The following RGCC variants were observed in gnomAD, a reference collection of about 807,000 sequenced individuals.
RGCC encodes regulator of cell cycle RGCC.
RGCC carries 15 observed loss-of-function variants against 15.4 expected under a neutral mutation model. That is an observed-to-expected ratio of 0.97 (90% confidence interval 0.65 to 1.50). The LOEUF (loss-of-function observed/expected upper bound fraction) is 1.50, where lower values mean the gene tolerates loss of function less well. Ranked by LOEUF, RGCC falls within the 40% of genes most tolerant of loss-of-function variation. RGCC has a pLI of 0.00. For missense variants in RGCC, 176 were observed against 189.7 expected, an observed-to-expected ratio of 0.93 and a Z score of 0.42; for synonymous variants, 81 against 78.0, an observed-to-expected ratio of 1.04 and a Z score of -0.20.
At chr13:41,469,729 C>T (rs1421031357) in intron 4 of RGCC, among the ~76,000 whole-genome samples, 1 of 152,170 alleles carries the variant, frequency 6.6e-6, no homozygotes, top group Non-Finnish European at 1.5e-5. Flanking sequence ...TTGCAAGCCT[C>T]TTATTTGGGA....
Position 41,458,409 on chromosome 13 carries a change from G to T in RGCC, c.174G>T (p.Glu58Asp). 6.2e-7 allele frequency: 1 copy of T among 1,601,098 alleles called. No homozygotes were observed. Among genetic ancestry groups the T allele is most frequent in the East Asian group, 2.2e-5 (1 of 44,682 alleles). Reference sequence around the variant, plus strand: ...ACTTCCACTACGAGGAGCACCTGGAGCGCATGAAGCGGCGCAGCAGCGCCA... The same window carrying T: ...ACTTCCACTACGAGGAGCACCTGGATCGCATGAAGCGGCGCAGCAGCGCCA... ...ERHFHYEEHLERMKRRSSASV... is the reference protein window; with the variant it reads ...ERHFHYEEHLDRMKRRSSASV... The change falls in exon 2 of 5, where the codon GAG (glutamate) becomes GAT (aspartate). Residue 58 changes from glutamate (E) to aspartate (D), a missense_variant. Coordinates refer to ENST00000379359, the MANE Select transcript of RGCC (RefSeq NM_014059.3). This position sits in a 1 kb window ranked among gnomAD's most constrained non-coding sequence, Gnocchi z 4.4.
At chr13:41,459,238 A>G (rs530548946) in intron 2 of RGCC, among the ~76,000 whole-genome samples, 11 of 152,320 alleles carry the variant, frequency 7.2e-5, no homozygotes, top group African/African-American at 2.6e-4. Flanking sequence ...GGAGGATTAC[A>G]GGTACCTCAA....
At position 41,470,582 on chromosome 13, in the gene RGCC, A is replaced by G. The variant is rs2043871119; in HGVS notation, c.*97A>G. The G allele has an allele frequency of 4.1e-6, 5 of 1,230,970 alleles. No homozygotes were observed. In the Admixed American group the frequency reaches 6.7e-5, roughly 17 times the overall value. 76.3% of individuals were successfully genotyped at this position (1,230,970 alleles called of 1,614,324 possible). On this transcript the variant is annotated 3_prime_UTR_variant, in exon 5 of 5. Coordinates refer to ENST00000379359, the MANE Select transcript of RGCC (RefSeq NM_014059.3). The stretch of plus-strand genomic sequence containing the variant: ...CTACTAGAATCTGCTGCCAGAGGGG[A>G]CAAAGACGTGCACTCAACCTTCTAC...
rs1181918799 is a variant in RGCC at position 41,458,834 on chromosome 13, G to A, written c.235+364G>A. 6.6e-6 allele frequency among the ~76,000 whole-genome samples: 1 copy of A among 152,192 alleles called. No homozygotes were observed. Among genetic ancestry groups the A allele is most frequent in the Non-Finnish European group, 1.5e-5 (1 of 68,042 alleles). Reference sequence around the variant, plus strand: ...CTTTGCAGATGTGGAACAAGTGCCAGTGGAATGAGGGGGCACAGTGGGGAC... The same window carrying A: ...CTTTGCAGATGTGGAACAAGTGCCAATGGAATGAGGGGGCACAGTGGGGAC... On this transcript the variant is annotated intron_variant, in intron 2 of 4. Transcript: ENST00000379359. The surrounding 1 kb of genome is among the most constrained non-coding windows in gnomAD (Gnocchi z 4.4).
At position 41,466,870 on chromosome 13, in the gene RGCC, C is replaced by G. The variant is rs1332278974; in HGVS notation, c.283C>G (p.Leu95Val). The part of the protein sequence containing the change: ...RNSFSFSDEK[L>V]NSPTDSTPAL... ...CAGCTTCAGCTTCAGTGATGAAAAA[C>G]TGAATTCTCCAACAGACTCTACCCC... Residue 95 changes from leucine (L) to valine (V), a missense_variant, in exon 3 of 5, where the codon CTG becomes GTG. Leu to Val is a conservative substitution (Grantham distance 32). Coordinates refer to ENST00000379359, the MANE Select transcript of RGCC (RefSeq NM_014059.3). 1 of 1,613,868 alleles carries G rather than the reference C, an allele frequency of 6.2e-7. No individual in the cohort carries two copies. The highest frequency in any genetic ancestry group is 8.5e-7 in the Non-Finnish European group (1 of 1,179,892).
chr13:41,458,513 T>A lies in RGCC; in HGVS notation c.235+43T>A. 6.5e-7 allele frequency: 1 copy of A among 1,545,204 alleles called. No homozygotes were observed. The highest frequency in any genetic ancestry group is 8.7e-7 in the Non-Finnish European group (1 of 1,148,544). ...TAGGATGGCGCCGGGATCTCCCAGCTCCCAGGACCTGCCCCGCGAAGGCTG... is the reference window on the plus strand; with the variant it reads ...TAGGATGGCGCCGGGATCTCCCAGCACCCAGGACCTGCCCCGCGAAGGCTG... On this transcript the variant is annotated intron_variant, in intron 2 of 4. Transcript: ENST00000379359. This position sits in a 1 kb window ranked among gnomAD's most constrained non-coding sequence, Gnocchi z 4.4.
chr13:41,458,617 C>A lies in RGCC; in HGVS notation c.235+147C>A. On this transcript the variant is annotated intron_variant, in intron 2 of 4. Transcript: ENST00000379359. This position sits in a 1 kb window ranked among gnomAD's most constrained non-coding sequence, Gnocchi z 4.4. ...CAGTAGGCCGAGTGGTGGCGGGGCC[C>A]CTGACGATAATCACGGGAAAGGTCG... 1 of 952,208 alleles carries A rather than the reference C, an allele frequency of 1.1e-6. No homozygotes were observed. Among genetic ancestry groups the A allele is most frequent in the Non-Finnish European group, 1.5e-6 (1 of 658,982 alleles). The allele number at this position is 952,208 out of a possible 1,614,324, so 59.0% of individuals were successfully genotyped here. A position where few individuals can be genotyped will look rare whatever the true frequency, so the allele number is the denominator to read the frequency against.
At chr13:41,459,383 T>C (rs151301974) in intron 2 of RGCC, among the ~76,000 whole-genome samples, 2 of 152,368 alleles carry the variant, frequency 1.3e-5, no homozygotes, top group Non-Finnish European at 2.9e-5. Flanking sequence ...TTAGATGGGT[T>C]ACAGGCATGA....
At chr13:41,469,295 T>TAATAATAATAATAATAAGAAGAAG (rs869157194) in intron 4 of RGCC, among the ~76,000 whole-genome samples, 1 of 86,726 alleles carries the variant, frequency 1.2e-5, no homozygotes, top group African/African-American at 3.7e-5. Flanking sequence ...ATAATAATAA[T>TAATAATAATAATAATAAGAAGAAG]AAGAAGAAGA....
chr13:41,468,763 T>C lies in RGCC; in HGVS notation c.344-13T>C. 1 of 1,597,824 alleles carries C rather than the reference T, an allele frequency of 6.3e-7. No individual in the cohort carries two copies. Among genetic ancestry groups the C allele is most frequent in the Non-Finnish European group, 8.5e-7 (1 of 1,171,480 alleles). On this transcript the variant is annotated splice_polypyrimidine_tract_variant and intron_variant, in intron 3 of 4. Transcript: ENST00000379359. ...CTCTCTCTCTCTCTCTCTCTCCCTC[T>C]CCTGTTTCACAGCTAAATTAGGAGA...
At chr13:41,462,609 C>T (rs893541576) in intron 2 of RGCC, among the ~76,000 whole-genome samples, 1 of 152,136 alleles carries the variant, frequency 6.6e-6, no homozygotes, top group Non-Finnish European at 1.5e-5. Flanking sequence ...TCCTTCGAGC[C>T]CCTATTAATA....
chr13:41,467,845 C>T (rs897583063), intron 3 of RGCC, among the ~76,000 whole-genome samples: 1 of 152,054 alleles, frequency 6.6e-6, no homozygotes, highest in African/African-American at 2.4e-5. Context: ...TGGCTTAAAA[C>T]GTGCTCAGAT....
Position 41,457,822 on chromosome 13 carries a change from G to C in RGCC, c.49+66G>C. 7.4e-7 allele frequency: 1 copy of C among 1,352,088 alleles called. No individual in the cohort carries two copies. The highest frequency in any genetic ancestry group is 9.5e-7 in the Non-Finnish European group (1 of 1,051,802). 83.8% of individuals were successfully genotyped at this position (1,352,088 alleles called of 1,614,324 possible). On this transcript the variant is annotated intron_variant, in intron 1 of 4. Transcript: ENST00000379359. The surrounding 1 kb of genome is among the most constrained non-coding windows in gnomAD (Gnocchi z 4.9). ...GCAGATGGCGGGTGAGAAAGGAGGG[G>C]CCCCGTGTCGTCCCTTCACACCCCC...
intron 2 of RGCC, among the ~76,000 whole-genome samples, chr13:41,461,310 T>G (rs1291288312): frequency 6.6e-6 from 1 of 152,214 alleles, no homozygotes; most frequent in Non-Finnish European, 1.5e-5. Context: ...CAATTAAGAG[T>G]TAGGGTAGTG....
At chr13:41,464,876 T>C (rs2043839825) in intron 2 of RGCC, among the ~76,000 whole-genome samples, 1 of 152,040 alleles carries the variant, frequency 6.6e-6, no homozygotes, top group Admixed American at 6.6e-5. Flanking sequence ...CTCAAGGGTC[T>C]TCTGGGCATG....
Position 41,458,411 on chromosome 13 carries a change from G to C in RGCC, c.176G>C (p.Arg59Pro), listed in dbSNP as rs1213963666. Reference sequence around the variant, plus strand: ...TTCCACTACGAGGAGCACCTGGAGCGCATGAAGCGGCGCAGCAGCGCCAGT... The same window carrying C: ...TTCCACTACGAGGAGCACCTGGAGCCCATGAAGCGGCGCAGCAGCGCCAGT... Reference protein sequence around the residue: ...RHFHYEEHLERMKRRSSASVS... With the variant: ...RHFHYEEHLEPMKRRSSASVS... Residue 59 changes from arginine (R) to proline (P), a missense_variant, in exon 2 of 5, where the codon CGC becomes CCC. Arg to Pro is a moderately radical substitution (Grantham distance 103, BLOSUM62 -2). Transcript: ENST00000379359. The surrounding 1 kb of genome is among the most constrained non-coding windows in gnomAD (Gnocchi z 4.4). 6.2e-7 allele frequency: 1 copy of C among 1,600,808 alleles called. No individual in the cohort carries two copies. Among genetic ancestry groups the C allele is most frequent in the South Asian group, 1.1e-5 (1 of 90,442 alleles).
At chr13:41,470,152 C>A (rs563893676) in intron 4 of RGCC, among the ~76,000 whole-genome samples, 1 of 152,110 alleles carries the variant, frequency 6.6e-6, no homozygotes, top group Non-Finnish European at 1.5e-5. Flanking sequence ...GATAGAAAGT[C>A]CTTGTATCAT....
chr13:41,458,516 C>A lies in RGCC; in HGVS notation c.235+46C>A, dbSNP rs1376654383. The stretch of plus-strand genomic sequence containing the variant: ...GATGGCGCCGGGATCTCCCAGCTCC[C>A]AGGACCTGCCCCGCGAAGGCTGCGG... On this transcript the variant is annotated intron_variant, in intron 2 of 4. Coordinates refer to ENST00000379359, the MANE Select transcript of RGCC (RefSeq NM_014059.3). The surrounding 1 kb of genome is among the most constrained non-coding windows in gnomAD (Gnocchi z 4.4). 1.3e-6 allele frequency: 2 copies of A among 1,541,462 alleles called. No homozygotes were observed. Among genetic ancestry groups the A allele is most frequent in the Admixed American group, 3.8e-5 (2 of 52,596 alleles).
Position 41,458,558 on chromosome 13 carries a change from A to C in RGCC, c.235+88A>C. 1.5e-6 allele frequency: 2 copies of C among 1,335,352 alleles called. No homozygotes were observed. Among genetic ancestry groups the C allele is most frequent in the Non-Finnish European group, 2.0e-6 (2 of 991,920 alleles). 82.7% of individuals were successfully genotyped at this position (1,335,352 alleles called of 1,614,324 possible). A position where few individuals can be genotyped will look rare whatever the true frequency, so the allele number is the denominator to read the frequency against. ...AGGCTGCGGCCTCAGTTTTCTTATC[A>C]GTAAACTGAGGAATGGTTTCCTGAA... On this transcript the variant is annotated intron_variant, in intron 2 of 4. Transcript: ENST00000379359. The surrounding 1 kb of genome is among the most constrained non-coding windows in gnomAD (Gnocchi z 4.4).
Sources: gnomAD v4.1 joint callset for allele counts (sites outside exome capture counted in the v4.1 genomes callset) on GRCh38, gnomAD v4.1.1 for gene constraint, Gnocchi (gnomAD v3.1) non-coding constraint, MANE v1.5 for transcripts, NCBI Gene and HGNC (gene_info 2026-07-23, HGNC 2026-07-21) for gene names.